The following SND1 variants were observed in gnomAD, a reference collection of about 807,000 sequenced individuals.
The protein encoded by SND1 is staphylococcal nuclease and tudor domain containing 1.
A neutral mutation model predicts 121.7 loss-of-function variants in SND1; 38 were observed. That is an observed-to-expected ratio of 0.31 (90% CI 0.24 to 0.41). SND1 has a LOEUF of 0.41. Ranked by LOEUF, SND1 falls within the 10% of genes least tolerant of loss-of-function variation. SND1 has a pLI of 1.00. For missense variants in SND1, 868 were observed against 1,184.6 expected (o/e 0.73, Z 3.92); for synonymous variants, 401 against 447.4 (o/e 0.90, Z 1.31).
intron 10 of SND1, 41 bp from the exon 11 acceptor site, chr7:127,807,443 A>G: frequency 6.7e-7 from 1 of 1,492,022 alleles, no homozygotes; most frequent in Admixed American, 1.7e-5. Context: ...TGTTCATTTG[A>G]TATTGTTCAT....
chr7:127,847,696 T>G (rs1200620567), intron 12 of SND1, among the ~76,000 whole-genome samples: 3 of 152,220 alleles, frequency 2.0e-5, no homozygotes, highest in Admixed American at 6.5e-5. Flanking sequence ...CCTTTCCTCT[T>G]TATTAAATTT....
At chr7:127,727,510 G>A (rs1796602988) in intron 10 of SND1, among the ~76,000 whole-genome samples, 1 of 152,164 alleles carries the variant, frequency 6.6e-6, no homozygotes, top group Non-Finnish European at 1.5e-5. Context: ...AGAAAGCTGT[G>A]GGGTTAGAGA....
intron 11 of SND1, among the ~76,000 whole-genome samples, chr7:127,840,993 C>T (rs1798955138): frequency 6.6e-6 from 1 of 152,106 alleles, no homozygotes; most frequent in South Asian, 2.1e-4. Context: ...TTTTTGTCTT[C>T]CCACTGATTT....
chr7:127,708,239 A>G (rs1796236461), intron 9 of SND1, among the ~76,000 whole-genome samples: 1 of 152,220 alleles, frequency 6.6e-6, no homozygotes, highest in Non-Finnish European at 1.5e-5. Context: ...GATGTTTGGT[A>G]GGTTAGGTAA....
chr7:127,900,593 T>C (rs1204085440), intron 13 of SND1, among the ~76,000 whole-genome samples: 2 of 152,196 alleles, frequency 1.3e-5, no homozygotes, highest in African/African-American at 4.8e-5. Flanking sequence ...GCAGCTAATA[T>C]GTGAGAGTTT....
chr7:127,900,714 C>T (rs1277123389), intron 13 of SND1, among the ~76,000 whole-genome samples: 3 of 152,164 alleles, frequency 2.0e-5, no homozygotes, highest in Non-Finnish European at 2.9e-5. Context: ...ACCTAGAAAG[C>T]TGTGTTTTCA....
At chr7:127,999,190 G>A (rs983645370) in intron 16 of SND1, 1 of 152,078 alleles carries the variant, frequency 6.6e-6, no homozygotes, top group Admixed American at 6.5e-5. Context: ...AATAGTTTAG[G>A]ACCACAAGAG....
In SND1 at chr7:127,966,538, G is replaced by A. The variant is rs571885340; in HGVS notation, c.1670-24409G>A. Among the ~76,000 whole-genome samples, 19 of 80,416 alleles carry A rather than the reference G, an allele frequency of 2.4e-4. No homozygotes were observed. The East Asian group carries it at 3.3e-3, about 14-fold the overall frequency. 52.8% of individuals were successfully genotyped at this position (80,416 alleles called of 152,430 possible). A position where few individuals can be genotyped will look rare whatever the true frequency, so the allele number is the denominator to read the frequency against. ...ACAGTGCAATCAAACTAGAACTCAG[G>A]ATTAAGAATCTCACTCAAAGCCGCT... On this transcript the variant is annotated intron_variant, in intron 15 of 23. Coordinates refer to ENST00000354725, the MANE Select transcript of SND1 (RefSeq NM_014390.4).
chr7:127,769,811 G>C (rs1006086426), intron 10 of SND1, among the ~76,000 whole-genome samples: 2 of 152,170 alleles, frequency 1.3e-5, no homozygotes, highest in African/African-American at 4.8e-5. Flanking sequence ...GTATGAACCA[G>C]AACAGTGCCC....
Position 128,085,592 on chromosome 7 carries a change from G to A in SND1, c.2235-119G>A. On this transcript the variant is annotated intron_variant, in intron 19 of 23. Coordinates refer to ENST00000354725, the MANE Select transcript of SND1 (RefSeq NM_014390.4). The surrounding 1 kb of genome is among the most constrained non-coding windows in gnomAD (Gnocchi z 4.4). ...AGATGGAGTGCAGTTACTGTCCCCT[G>A]TGACACCCGTTGAACCCAGGCAGGG... 2 of 840,056 alleles carry A rather than the reference G, an allele frequency of 2.4e-6. No individual in the cohort carries two copies. Among genetic ancestry groups the A allele is most frequent in the Admixed American group, 3.7e-5 (2 of 53,406 alleles). The allele number at this position is 840,056 out of a possible 1,614,324, so 52.0% of individuals were successfully genotyped here.
intron 16 of SND1, among the ~76,000 whole-genome samples, chr7:128,070,900 C>CA (rs1047558073): frequency 2.0e-5 from 3 of 151,902 alleles, no homozygotes; most frequent in Non-Finnish European, 2.9e-5. Context: ...CACAGAGTGA[C>CA]AAAAAAAATT....
At chr7:128,078,567 A>G (rs1793546262) in intron 17 of SND1, among the ~76,000 whole-genome samples, 1 of 152,044 alleles carries the variant, frequency 6.6e-6, no homozygotes, top group Non-Finnish European at 1.5e-5. Context: ...GGCCATCCCC[A>G]AGGCTTTGGT....
intron 1 of SND1, among the ~76,000 whole-genome samples, chr7:127,664,075 G>C (rs1012996716): frequency 6.6e-6 from 1 of 152,182 alleles, no homozygotes; most frequent in Non-Finnish European, 1.5e-5. Context: ...GCTCAGGCTG[G>C]AGTGCAGTGG....
At chr7:127,801,781 T>A (rs1406121215) in intron 10 of SND1, among the ~76,000 whole-genome samples, 1 of 152,228 alleles carries the variant, frequency 6.6e-6, no homozygotes, top group Non-Finnish European at 1.5e-5. Flanking sequence ...GTATATACAC[T>A]TGACCCTTGA....
intron 14 of SND1, among the ~76,000 whole-genome samples, chr7:127,915,727 A>C (rs1018549990): frequency 6.6e-6 from 1 of 152,196 alleles, no homozygotes; most frequent in Non-Finnish European, 1.5e-5. Context: ...AAGTCCTTGA[A>C]GTGATTTCAA....
chr7:127,936,002 A>G (rs999699285), intron 15 of SND1, among the ~76,000 whole-genome samples: 1 of 152,144 alleles, frequency 6.6e-6, no homozygotes, highest in Non-Finnish European at 1.5e-5. Flanking sequence ...ATTTGGCCCA[A>G]GCCAGCTGGC....
At chr7:127,859,109 G>A (rs1403938280) in intron 12 of SND1, among the ~76,000 whole-genome samples, 1 of 152,118 alleles carries the variant, frequency 6.6e-6, no homozygotes, top group East Asian at 1.9e-4. Flanking sequence ...TCTGTCTTGG[G>A]ATATGTGTTT....
intron 21 of SND1, 77 bp downstream of exon 21, chr7:128,087,128 A>ACAGGAG (rs1351534689): frequency 9.2e-7 from 1 of 1,081,336 alleles, no homozygotes; most frequent in African/African-American, 1.6e-5. Context: ...TCATGGGCTG[A>ACAGGAG]CAGGAGAAGA....
chr7:127,803,280 A>G (rs1006187595), intron 10 of SND1, among the ~76,000 whole-genome samples: 1 of 152,080 alleles, frequency 6.6e-6, no homozygotes, highest in Non-Finnish European at 1.5e-5. Flanking sequence ...CTGATATTAC[A>G]GCTGTGGCCC....
Sources: gnomAD v4.1 joint callset for allele counts (sites outside exome capture counted in the v4.1 genomes callset) on GRCh38, gnomAD v4.1.1 for gene constraint, Gnocchi (gnomAD v3.1) non-coding constraint, MANE v1.5 for transcripts, NCBI Gene and HGNC (gene_info 2026-07-23, HGNC 2026-07-21) for gene names.